The following ALPK2 variants were observed in gnomAD, a reference collection of about 807,000 sequenced individuals.
The protein encoded by ALPK2 is alpha-protein kinase 2.
A neutral mutation model predicts 163.1 loss-of-function variants in ALPK2; 127 were observed. That is an observed-to-expected ratio of 0.78 (90% confidence interval 0.67 to 0.90). The LOEUF (loss-of-function observed/expected upper bound fraction) is 0.90, where lower values mean the gene tolerates loss of function less well. Among genes scored for constraint, ALPK2 ranks in the 40% least tolerant of loss-of-function variants. ALPK2 has a pLI of 0.00. For synonymous variants in ALPK2, 953 were observed against 959.1 expected (o/e 0.99, Z 0.12); for missense variants, 2,360 against 2,589.6 (o/e 0.91, Z 1.92).
chr18:58,509,458 C>T (rs1458088685), intron 10 of ALPK2, among the ~76,000 whole-genome samples: 1 of 152,142 alleles, frequency 6.6e-6, no homozygotes, highest in African/African-American at 2.4e-5. Context: ...GGAATCGCCA[C>T]ACTGACTTCC....
chr18:58,565,441 A>G (rs954772245), intron 4 of ALPK2, among the ~76,000 whole-genome samples: 11 of 152,180 alleles, frequency 7.2e-5, no homozygotes, highest in African/African-American at 2.7e-4. Context: ...GAAAGATGTT[A>G]TATCTTTAAA....
At chr18:58,499,637 A>G (rs544433436) in intron 11 of ALPK2, among the ~76,000 whole-genome samples, 1 of 152,276 alleles carries the variant, frequency 6.6e-6, no homozygotes, top group African/African-American at 2.4e-5. Flanking sequence ...CAATCTAGTG[A>G]TGACATTTTA....
At chr18:58,482,246 G>A (rs1171250585) in intron 12 of ALPK2, among the ~76,000 whole-genome samples, 1 of 152,142 alleles carries the variant, frequency 6.6e-6, no homozygotes, top group Non-Finnish European at 1.5e-5. Context: ...AGATCTGCTG[G>A]CACATACAGT....
At chr18:58,500,779 TA>T (rs5825289) in intron 11 of ALPK2, among the ~76,000 whole-genome samples, 140,668 of 145,204 alleles carry the variant, frequency 0.97, 68,199 homozygotes, top group South Asian at 1. Flanking sequence ...ACAAAAAAAT[TA>T]AAAAAAAAAA....
intron 4 of ALPK2, among the ~76,000 whole-genome samples, chr18:58,555,408 C>A (rs576634907): frequency 6.6e-6 from 1 of 152,262 alleles, no homozygotes; most frequent in Admixed American, 6.5e-5. Flanking sequence ...TGGTTATTAT[C>A]CTGATTTTCT....
Position 58,535,590 on chromosome 18 carries a change from C to T in ALPK2, c.4597G>A (p.Glu1533Lys). 1.2e-6 allele frequency: 2 copies of T among 1,614,192 alleles called. No individual in the cohort carries two copies. Among genetic ancestry groups the T allele is most frequent in the African/African-American group, 1.3e-5 (1 of 75,052 alleles). The change falls in exon 5 of 13, where the codon GAA becomes AAA. Residue 1533 changes from glutamate to lysine, a missense_variant. Physicochemically the swap from Glu to Lys is moderately conservative, Grantham distance 56. Transcript: ENST00000361673. ...AGAGGTGAAGTGGGGGAAATCAATT[C>T]TGCTTTGTCCTTTTTGCTTTGCTCA... ...EAEQSKKDKA[E>K]LISPTSPLSS... is the part of the protein sequence containing the mutation.
At chr18:58,507,869 G>C (rs542014523) in intron 10 of ALPK2, among the ~76,000 whole-genome samples, 2 of 152,254 alleles carry the variant, frequency 1.3e-5, no homozygotes, top group South Asian at 4.2e-4. Flanking sequence ...CTCCTTACTT[G>C]GGGATCAGAC....
At chr18:58,526,360 C>G (rs1346681156) in intron 6 of ALPK2, among the ~76,000 whole-genome samples, 1 of 152,172 alleles carries the variant, frequency 6.6e-6, no homozygotes, top group Non-Finnish European at 1.5e-5. Context: ...GCACCCCCAC[C>G]CACCACTCAG....
At chr18:58,531,647 T>TAA (rs1669941382) in intron 5 of ALPK2, among the ~76,000 whole-genome samples, 7 of 12,552 alleles carry the variant, frequency 5.6e-4, no homozygotes, top group Admixed American at 5.5e-3. Flanking sequence ...GGTGATAAGT[T>TAA]GAAAAAAAAA....
chr18:58,624,789 C>CTTAT (rs2052220853), intron 1 of ALPK2, among the ~76,000 whole-genome samples: 1 of 152,148 alleles, frequency 6.6e-6, no homozygotes, highest in Non-Finnish European at 1.5e-5. Context: ...GAAGGCATAC[C>CTTAT]CTCTCCTCAT....
At position 58,536,054 on chromosome 18, in the gene ALPK2, T is replaced by C. The variant is rs369650090; in HGVS notation, c.4133A>G (p.Glu1378Gly). Residue 1378 changes from glutamate (E) to glycine (G), a missense_variant, in exon 5 of 13, where the codon GAA becomes GGA. Physicochemically the swap from Glu to Gly is moderately conservative, Grantham distance 98. Transcript: ENST00000361673. ...AGTGTGATCCATCTTGAGTTGTTTT[T>C]CCTCCTGGTCTTGACTCACATTGTT... ...NVNNVSQDQE[E>G]KQLKMDHTAF... is the part of the protein sequence containing the mutation. 1 of 1,614,104 alleles carries C rather than the reference T, an allele frequency of 6.2e-7. No individual in the cohort carries two copies. The highest frequency in any genetic ancestry group is 8.5e-7 in the Non-Finnish European group (1 of 1,180,044).
At chr18:58,513,649 G>C (rs957745161) in intron 10 of ALPK2, among the ~76,000 whole-genome samples, 7 of 152,208 alleles carry the variant, frequency 4.6e-5, no homozygotes, top group Non-Finnish European at 1.0e-4. Flanking sequence ...GGCCGAGGCA[G>C]GAAGATCACT....
intron 11 of ALPK2, among the ~76,000 whole-genome samples, chr18:58,499,975 T>A (rs910618599): frequency 6.6e-6 from 1 of 152,250 alleles, no homozygotes; most frequent in Non-Finnish European, 1.5e-5. Flanking sequence ...AATGCTCGGA[T>A]TCAGCGTTAT....
At chr18:58,583,499 C>T (rs2051970098) in intron 3 of ALPK2, among the ~76,000 whole-genome samples, 1 of 151,990 alleles carries the variant, frequency 6.6e-6, no homozygotes, top group Admixed American at 6.6e-5. Flanking sequence ...ATTTGGCCTC[C>T]ATTAAGCACT....
At chr18:58,548,475 C>T (rs764625913) in intron 4 of ALPK2, among the ~76,000 whole-genome samples, 2 of 152,080 alleles carry the variant, frequency 1.3e-5, no homozygotes, top group Non-Finnish European at 2.9e-5. Context: ...CGAGTGCCAC[C>T]ATGGCCAGCT....
intron 3 of ALPK2, among the ~76,000 whole-genome samples, chr18:58,593,331 C>T (rs1324591049): frequency 6.6e-6 from 1 of 151,980 alleles, no homozygotes; most frequent in Non-Finnish European, 1.5e-5. Flanking sequence ...TTTGGGAGGC[C>T]AAGGCAGGTG....
At position 58,498,047 on chromosome 18, in the gene ALPK2, A is replaced by G; in HGVS notation, c.6296+2T>C. The G allele has an allele frequency of 1.2e-6, 2 of 1,613,620 alleles. No homozygotes were observed. The highest frequency in any genetic ancestry group is 1.7e-6 in the Non-Finnish European group (2 of 1,179,790). ...ATGCACACTCCATTTTTTCCTACTCACCCTTTAGCCAGCGTTGCTATGCCA... is the reference window on the plus strand; with the variant it reads ...ATGCACACTCCATTTTTTCCTACTCGCCCTTTAGCCAGCGTTGCTATGCCA... On this transcript the variant is annotated splice_donor_variant, in intron 12 of 12. Transcript: ENST00000361673. LOFTEE classifies it high-confidence loss of function.
chr18:58,516,623 A>C (rs1307435564), intron 9 of ALPK2, among the ~76,000 whole-genome samples: 3 of 152,322 alleles, frequency 2.0e-5, no homozygotes, highest in Admixed American at 2.0e-4. Context: ...TCAAACCGCC[A>C]GGGATGTCAT....
chr18:58,485,160 GC>G (rs1395574873), intron 12 of ALPK2, among the ~76,000 whole-genome samples: 1 of 152,208 alleles, frequency 6.6e-6, no homozygotes, highest in Non-Finnish European at 1.5e-5. Context: ...AACCAGCCCT[GC>G]CCGGTGGGAG....
Sources: gnomAD v4.1 joint callset for allele counts (sites outside exome capture counted in the v4.1 genomes callset) on GRCh38, gnomAD v4.1.1 for gene constraint, MANE v1.5 for transcripts, NCBI Gene and HGNC (gene_info 2026-07-23, HGNC 2026-07-21) for gene names.